SGCZ: variants seen among roughly 807,000 people sequenced by gnomAD.
SGCZ encodes zeta-sarcoglycan.
Under a neutral mutation model 41.3 loss-of-function variants are expected in SGCZ, and 40 were observed. The observed-to-expected ratio is 0.97, with a 90% CI of 0.75 to 1.26. SGCZ has a LOEUF of 1.26. SGCZ is among the 50% of genes most tolerant of loss of function. The pLI, the probability that SGCZ is intolerant of heterozygous loss-of-function variation, is 0.00. For missense variants in SGCZ, 552 were observed against 369.8 expected, an observed-to-expected ratio of 1.49 and a Z score of -4.04; for synonymous variants, 206 against 137.5, an observed-to-expected ratio of 1.50 and a Z score of -3.49.
chr8:14,116,742 C>T (rs1802535228), intron 5 of SGCZ, among the ~76,000 whole-genome samples: 1 of 151,916 alleles, frequency 6.6e-6, no homozygotes, highest in Admixed American at 6.6e-5. Flanking sequence ...TAGAAAGCTC[C>T]ATTTACTTTC....
rs536336172 is a variant in SGCZ at position 14,902,709 on chromosome 8, A to G, written c.39+334876T>C. Reference sequence around the variant, plus strand: ...TAAAGAAAGATATAAATATCACAAAACAAACATGATTTCCTGCAATTTTCT... The same window carrying G: ...TAAAGAAAGATATAAATATCACAAAGCAAACATGATTTCCTGCAATTTTCT... On this transcript the variant is annotated intron_variant, in intron 1 of 7. Transcript: ENST00000382080. Among the ~76,000 whole-genome samples, 24 of 152,210 alleles carry G rather than the reference A, an allele frequency of 1.6e-4. No homozygotes were observed. The South Asian group carries it at 4.8e-3, about 30-fold the overall frequency.
rs1216937553 is a variant in SGCZ, at chr8:14,723,065, C to A, written c.40-168139G>T. 2.6e-5 allele frequency among the ~76,000 whole-genome samples: 4 copies of A among 152,206 alleles called. No homozygotes were observed. The East Asian group carries it at 5.8e-4, about 22-fold the overall frequency. On this transcript the variant is annotated intron_variant, in intron 1 of 7. Transcript: ENST00000382080. ...TATTGTTTATGTCCATTTTGCTAGGCAGGTTCAAAAGAAATGCACAAATAT... is the reference window on the plus strand; with the variant it reads ...TATTGTTTATGTCCATTTTGCTAGGAAGGTTCAAAAGAAATGCACAAATAT...
Position 14,355,484 on chromosome 8 carries a change from C to T in SGCZ, c.235-31280G>A, listed in dbSNP as rs541347373. Among the ~76,000 whole-genome samples, 459 of 152,162 alleles carry T rather than the reference C, an allele frequency of 3.0e-3. 1 individual carries two copies. The highest frequency in any genetic ancestry group is 5.1e-3 in the Non-Finnish European group (349 of 67,984). On this transcript the variant is annotated intron_variant, in intron 2 of 7. Transcript: ENST00000382080. ...AGCTACATGAAGACTTTTTGAATCT[C>T]TAGAGACATCATTTTAAAATCTTGG...
intron 1 of SGCZ, among the ~76,000 whole-genome samples, chr8:14,903,195 C>A (rs750420743): frequency 7.2e-5 from 11 of 152,036 alleles, no homozygotes; most frequent in Admixed American, 2.6e-4. Flanking sequence ...CACACAAAGA[C>A]ACAGAACTGA....
chr8:14,436,373 T>G (rs1432186444), intron 2 of SGCZ, among the ~76,000 whole-genome samples: 2 of 152,196 alleles, frequency 1.3e-5, no homozygotes, highest in Non-Finnish European at 2.9e-5. Flanking sequence ...CGCATGAACT[T>G]TATTTTTTTC....
chr8:14,214,986 GAA>G (rs1184855023), intron 4 of SGCZ, among the ~76,000 whole-genome samples: 1 of 152,084 alleles, frequency 6.6e-6, no homozygotes, highest in East Asian at 1.9e-4. Flanking sequence ...GCAAGACAGA[GAA>G]ATACTGAAGA....
intron 4 of SGCZ, among the ~76,000 whole-genome samples, chr8:14,185,678 T>C (rs192975245): frequency 6.6e-6 from 1 of 152,208 alleles, no homozygotes; most frequent in Admixed American, 6.5e-5. Flanking sequence ...TGTTGTGTTT[T>C]GTTTTGTTTT....
At chr8:14,233,633 A>T (rs1383038201) in intron 4 of SGCZ, among the ~76,000 whole-genome samples, 1 of 148,944 alleles carries the variant, frequency 6.7e-6, no homozygotes, top group Non-Finnish European at 1.5e-5. Context: ...CTTTCCTGAG[A>T]TAATAAAACA....
chr8:14,717,131 C>A (rs1156479360), intron 1 of SGCZ, among the ~76,000 whole-genome samples: 3 of 151,874 alleles, frequency 2.0e-5, no homozygotes, highest in African/African-American at 7.3e-5. Context: ...GGAACTACGA[C>A]AATTAGATTA....
chr8:14,692,730 A>G (rs1437054714), intron 1 of SGCZ, among the ~76,000 whole-genome samples: 1 of 152,180 alleles, frequency 6.6e-6, no homozygotes, highest in Non-Finnish European at 1.5e-5. Flanking sequence ...GAATCCTTTT[A>G]TATCTATCTT....
At chr8:14,598,167 T>G (rs1408031088) in intron 1 of SGCZ, among the ~76,000 whole-genome samples, 1 of 152,166 alleles carries the variant, frequency 6.6e-6, no homozygotes, top group Non-Finnish European at 1.5e-5. Flanking sequence ...AGAATTATCA[T>G]TTTTAATGTT....
At chr8:14,296,276 A>T (rs527838806) in intron 3 of SGCZ, among the ~76,000 whole-genome samples, 1 of 152,262 alleles carries the variant, frequency 6.6e-6, no homozygotes, top group Non-Finnish European at 1.5e-5. Context: ...GAAAACAATA[A>T]AAACTACTAC....
intron 4 of SGCZ, among the ~76,000 whole-genome samples, chr8:14,183,603 A>G (rs1346051504): frequency 2.0e-5 from 3 of 152,192 alleles, no homozygotes; most frequent in Non-Finnish European, 1.5e-5. Context: ...AACACGGAAT[A>G]TTATCTCAGC....
intron 1 of SGCZ, among the ~76,000 whole-genome samples, chr8:14,825,544 G>T (rs1802274303): frequency 6.6e-6 from 1 of 152,130 alleles, no homozygotes; most frequent in South Asian, 2.1e-4. Flanking sequence ...AATATTGTAT[G>T]TACTTGAACA....
chr8:14,390,455 C>T (rs781158204), intron 2 of SGCZ, among the ~76,000 whole-genome samples: 13 of 151,614 alleles, frequency 8.6e-5, no homozygotes, highest in Admixed American at 5.3e-4. Flanking sequence ...ATTAAATTTG[C>T]ATATATATGT....
intron 1 of SGCZ, among the ~76,000 whole-genome samples, chr8:14,618,299 G>A (rs561448278): frequency 2.6e-5 from 4 of 152,278 alleles, no homozygotes; most frequent in African/African-American, 7.2e-5. Context: ...GGAGATAGGG[G>A]TTGAATAGAG....
At chr8:14,423,494 G>A (rs1261166506) in intron 2 of SGCZ, among the ~76,000 whole-genome samples, 4 of 151,944 alleles carry the variant, frequency 2.6e-5, no homozygotes, top group Admixed American at 1.3e-4. Flanking sequence ...TCGACTCACC[G>A]CAACCTCCGC....
chr8:14,477,885 T>C (rs950780715), intron 2 of SGCZ, among the ~76,000 whole-genome samples: 2 of 152,206 alleles, frequency 1.3e-5, no homozygotes, highest in South Asian at 2.1e-4. Context: ...CAGCTCTCAA[T>C]ATACAGTTAA....
chr8:14,684,411 A>T (rs1808541837), intron 1 of SGCZ, among the ~76,000 whole-genome samples: 2 of 152,158 alleles, frequency 1.3e-5, no homozygotes, highest in African/African-American at 4.8e-5. Context: ...ATTTCATACA[A>T]CTTACAGGAA....
Sources: allele counts gnomAD v4.1 joint callset (sites outside exome capture counted in the v4.1 genomes callset), GRCh38; gene constraint gnomAD v4.1.1; transcripts MANE v1.5; gene names NCBI Gene and HGNC (gene_info 2026-07-23, HGNC 2026-07-21).